CEP83: variants seen among roughly 807,000 people sequenced by gnomAD.
CEP83 encodes centrosomal protein of 83 kDa.
Under a neutral mutation model 101.9 loss-of-function variants are expected in CEP83, and 70 were observed. The ratio of observed to expected loss-of-function variants is 0.69; its 90% CI spans 0.57 to 0.84. CEP83 has a LOEUF of 0.84. Ranked by LOEUF, CEP83 falls within the 40% of genes least tolerant of loss-of-function variation. The pLI is 0.00. For synonymous variants in CEP83, 264 were observed against 267.9 expected (o/e 0.99, Z 0.14); for missense variants, 715 against 787.2 (o/e 0.91, Z 1.10).
Position 94,370,010 on chromosome 12 carries a change from T to C in CEP83, c.960A>G (p.Lys320=), listed in dbSNP as rs1381193201. Residue 320 remains lysine (K), a synonymous_variant, in exon 9 of 17, where the codon AAA becomes AAG. Coordinates refer to ENST00000397809, the MANE Select transcript of CEP83 (RefSeq NM_016122.3). The stretch of plus-strand genomic sequence containing the variant: ...CCAGTTTGATGTCTGTTATTTCCAG[T>C]TTGTTTGAATGTTTAAGTTCTTTTA... ...SKVKELKHSN[K]LEITDIKLET... is the part of the protein sequence containing the mutation. The C allele has an allele frequency of 6.2e-7, 1 of 1,606,666 alleles. No individual in the cohort carries two copies. Among genetic ancestry groups the C allele is most frequent in the Non-Finnish European group, 8.5e-7 (1 of 1,173,984 alleles).
chr12:94,397,894 C>T (rs1278923488), intron 6 of CEP83, among the ~76,000 whole-genome samples: 1 of 152,206 alleles, frequency 6.6e-6, no homozygotes, highest in African/African-American at 2.4e-5. Context: ...ATATTACCAG[C>T]TATTTAACAA....
chr12:94,314,491 CTTTA>C (rs1438702022), intron 14 of CEP83, among the ~76,000 whole-genome samples: 1 of 152,168 alleles, frequency 6.6e-6, no homozygotes, highest in East Asian at 1.9e-4. Flanking sequence ...TTATTAATGA[CTTTA>C]TTTCACTCAA....
the CEP83 span, chr12:94,297,470 A>G: frequency 7.8e-7 from 1 of 1,289,722 alleles, no homozygotes; most frequent in Non-Finnish European, 1.1e-6. Flanking sequence ...TAGGGGGTGT[A>G]TGATATGTTT....
chr12:94,384,766 TAAGTC>T (rs1328914902), intron 6 of CEP83, among the ~76,000 whole-genome samples: 1 of 152,228 alleles, frequency 6.6e-6, no homozygotes, highest in Non-Finnish European at 1.5e-5. Flanking sequence ...GTTTCTTTGC[TAAGTC>T]TTTTGGGTTT....
chr12:94,265,869 TAAAG>T, the CEP83 span, among the ~76,000 whole-genome samples: 19 of 150,188 alleles, frequency 1.3e-4, no homozygotes, highest in African/African-American at 2.4e-4. Flanking sequence ...ATGCTCTTCC[TAAAG>T]AAAGAAAGAA....
At chr12:94,427,772 CA>C (rs2065316344) in intron 2 of CEP83, among the ~76,000 whole-genome samples, 1 of 152,196 alleles carries the variant, frequency 6.6e-6, no homozygotes, top group Non-Finnish European at 1.5e-5. Flanking sequence ...GGAGGACCTA[CA>C]CCAGGCATTT....
At chr12:94,413,888 A>G (rs1412272590) in intron 2 of CEP83, among the ~76,000 whole-genome samples, 1 of 151,336 alleles carries the variant, frequency 6.6e-6, no homozygotes, top group Admixed American at 6.6e-5. Context: ...TTTTTTCCTG[A>G]TAGAATCTTC....
chr12:94,451,373 C>G (rs1040374150), intron 1 of CEP83, among the ~76,000 whole-genome samples: 2 of 150,682 alleles, frequency 1.3e-5, no homozygotes, highest in African/African-American at 4.9e-5. Flanking sequence ...AAGACACCAA[C>G]TGGGAGAAAT....
At chr12:94,278,068 C>T in the CEP83 span, 1 of 455,964 alleles carries the variant, frequency 2.2e-6, no homozygotes, top group South Asian at 1.5e-5. Flanking sequence ...CCCCCTCCCT[C>T]TGTCTCTGTA....
intron 13 of CEP83, among the ~76,000 whole-genome samples, chr12:94,333,196 GT>G (rs1298262447): frequency 6.6e-6 from 1 of 151,966 alleles, no homozygotes; most frequent in African/African-American, 2.4e-5. Flanking sequence ...TTGAAGAAAT[GT>G]TTTGGTTTAA....
At chr12:94,314,495 A>T (rs1250294206) in intron 14 of CEP83, among the ~76,000 whole-genome samples, 1 of 152,214 alleles carries the variant, frequency 6.6e-6, no homozygotes, top group Non-Finnish European at 1.5e-5. Flanking sequence ...TAATGACTTT[A>T]TTTCACTCAA....
At chr12:94,293,603 G>C in the CEP83 span, among the ~76,000 whole-genome samples, 13 of 152,140 alleles carry the variant, frequency 8.5e-5, no homozygotes, top group Non-Finnish European at 1.8e-4. Flanking sequence ...GGACCAGCAA[G>C]CTCTGCTGTC....
intron 6 of CEP83, among the ~76,000 whole-genome samples, chr12:94,398,383 G>A (rs374825048): frequency 5.3e-5 from 8 of 152,106 alleles, no homozygotes; most frequent in South Asian, 2.1e-4. Flanking sequence ...TGGAGGGACC[G>A]GCTGGAGTCA....
intron 4 of CEP83, among the ~76,000 whole-genome samples, chr12:94,408,351 G>A (rs2063672360): frequency 6.6e-6 from 1 of 152,080 alleles, no homozygotes. Flanking sequence ...GACTGAAACT[G>A]AGTATTATAC....
intron 2 of CEP83, among the ~76,000 whole-genome samples, chr12:94,417,028 G>T (rs886302602): frequency 2.0e-5 from 3 of 151,966 alleles, no homozygotes; most frequent in Non-Finnish European, 4.4e-5. Flanking sequence ...TAGAAACCTC[G>T]ACTTGCTAGG....
At chr12:94,438,895 G>C (rs909456758) in intron 1 of CEP83, among the ~76,000 whole-genome samples, 1 of 152,086 alleles carries the variant, frequency 6.6e-6, no homozygotes, top group African/African-American at 2.4e-5. Context: ...CAAATATATG[G>C]AAATTTAAAC....
intron 6 of CEP83, among the ~76,000 whole-genome samples, chr12:94,380,489 A>G (rs1220094329): frequency 1.3e-5 from 2 of 152,160 alleles, no homozygotes; most frequent in Non-Finnish European, 2.9e-5. Context: ...CGCTTTACAA[A>G]TAACTATTAC....
At chr12:94,324,313 AG>A (rs1018729873) in intron 14 of CEP83, among the ~76,000 whole-genome samples, 3 of 152,236 alleles carry the variant, frequency 2.0e-5, no homozygotes, top group Non-Finnish European at 4.4e-5. Context: ...TAATAGATAC[AG>A]GACTATCCAA....
At chr12:94,341,395 A>G (rs146350913) in intron 11 of CEP83, among the ~76,000 whole-genome samples, 3,248 of 152,282 alleles carry the variant, frequency 0.021, 57 homozygotes, top group Middle Eastern at 0.048. Context: ...TGCTTCACAG[A>G]TAAGTCTCCA....
Sources: gnomAD v4.1 joint callset for allele counts (sites outside exome capture counted in the v4.1 genomes callset) on GRCh38, gnomAD v4.1.1 for gene constraint, MANE v1.5 for transcripts, NCBI Gene and HGNC (gene_info 2026-07-23, HGNC 2026-07-21) for gene names.